ENPP6: variants seen among roughly 807,000 people sequenced by gnomAD.
ENPP6 encodes ectonucleotide pyrophosphatase/phosphodiesterase 6.
Under a neutral mutation model 42.0 loss-of-function variants are expected in ENPP6, and 32 were observed. The observed-to-expected ratio is 0.76, with a 90% CI of 0.58 to 1.02. The LOEUF (loss-of-function observed/expected upper bound fraction) is 1.02, where lower values mean the gene tolerates loss of function less well. Among genes scored for constraint, ENPP6 ranks in the 50% least tolerant of loss-of-function variants. ENPP6 has a pLI of 0.00. For synonymous variants in ENPP6, 213 were observed against 216.0 expected, an observed-to-expected ratio of 0.99 and a Z score of 0.12; for missense variants, 552 against 566.8, an observed-to-expected ratio of 0.97 and a Z score of 0.27.
In ENPP6 at chr4:184,101,869, G is replaced by T. The variant is rs554950580; in HGVS notation, c.994-4501C>A. Among the ~76,000 whole-genome samples, 4 of 152,302 alleles carry T rather than the reference G, an allele frequency of 2.6e-5. No homozygotes were observed. In the South Asian group the frequency reaches 8.3e-4, roughly 32 times the overall value. Reference sequence around the variant, plus strand: ...CTCAACCAGTTAATCATTTCTAACAGGAAGGAACCAGAAACAAGTCGCCCC... The same window carrying T: ...CTCAACCAGTTAATCATTTCTAACATGAAGGAACCAGAAACAAGTCGCCCC... On this transcript the variant is annotated intron_variant, in intron 6 of 7. Transcript: ENST00000296741.
At chr4:184,167,219 T>A (rs1271702975) in intron 1 of ENPP6, among the ~76,000 whole-genome samples, 1 of 152,166 alleles carries the variant, frequency 6.6e-6, no homozygotes, top group Non-Finnish European at 1.5e-5. Flanking sequence ...GGGTTCAAGC[T>A]ATTCTCCTGC....
intron 6 of ENPP6, among the ~76,000 whole-genome samples, chr4:184,098,734 G>A (rs890769748): frequency 6.6e-6 from 1 of 152,188 alleles, no homozygotes; most frequent in East Asian, 1.9e-4. Flanking sequence ...AGAAGGCTTT[G>A]CAAGTCCTAC....
intron 3 of ENPP6, among the ~76,000 whole-genome samples, chr4:184,121,070 G>A (rs1736407987): frequency 6.6e-6 from 1 of 152,160 alleles, no homozygotes; most frequent in South Asian, 2.1e-4. Context: ...TTTGTAAGGT[G>A]GGGAGAGCAA....
intron 2 of ENPP6, among the ~76,000 whole-genome samples, chr4:184,143,500 C>T (rs1049630218): frequency 6.6e-6 from 1 of 152,240 alleles, no homozygotes; most frequent in Non-Finnish European, 1.5e-5. Context: ...CCGCCTCTGC[C>T]TCAGTTCTGT....
chr4:184,208,299 G>T (rs1284449551), intron 1 of ENPP6, among the ~76,000 whole-genome samples: 1 of 152,154 alleles, frequency 6.6e-6, no homozygotes, highest in African/African-American at 2.4e-5. Flanking sequence ...GCAGAAGATG[G>T]GTGATTTCTG....
chr4:184,173,818 T>C (rs1737515281), intron 1 of ENPP6, among the ~76,000 whole-genome samples: 1 of 152,182 alleles, frequency 6.6e-6, no homozygotes, highest in Admixed American at 6.5e-5. Context: ...ATAAGGGCTT[T>C]ACAATGCAGC....
At chr4:184,131,165 C>CTTTG (rs1227893142) in intron 2 of ENPP6, among the ~76,000 whole-genome samples, 1 of 55,466 alleles carries the variant, frequency 1.8e-5, no homozygotes, top group Non-Finnish European at 3.7e-5. Flanking sequence ...TTCTTTCTTT[C>CTTTG]TTTCTTTCTT....
Position 184,184,429 on chromosome 4 carries a change from A to G in ENPP6, c.242-30696T>C, listed in dbSNP as rs1732599472. On this transcript the variant is annotated intron_variant, in intron 1 of 7. Coordinates refer to ENST00000296741, the MANE Select transcript of ENPP6 (RefSeq NM_153343.4). The surrounding 1 kb of genome is among the most constrained non-coding windows in gnomAD (Gnocchi z 4.7). Reference sequence around the variant, plus strand: ...GGTAGTAAGCTAAATAGCAGAACCAATGCAGCTGAAAAAATAATGAACTGG... The same window carrying G: ...GGTAGTAAGCTAAATAGCAGAACCAGTGCAGCTGAAAAAATAATGAACTGG... Among the ~76,000 whole-genome samples, 1 of 152,214 alleles carries G rather than the reference A, an allele frequency of 6.6e-6. No individual in the cohort carries two copies. The highest frequency in any genetic ancestry group is 2.1e-4 in the South Asian group (1 of 4,828).
At chr4:184,097,628 G>A (rs1307065952) in intron 6 of ENPP6, among the ~76,000 whole-genome samples, 2 of 152,192 alleles carry the variant, frequency 1.3e-5, no homozygotes, top group Non-Finnish European at 2.9e-5. Flanking sequence ...ATCAGTTTTA[G>A]AGCCACTAAA....
chr4:184,161,157 C>T (rs1205501192), intron 1 of ENPP6, among the ~76,000 whole-genome samples: 1 of 151,974 alleles, frequency 6.6e-6, no homozygotes, highest in Non-Finnish European at 1.5e-5. Context: ...CAACAAAGGA[C>T]TGATGACCAG....
chr4:184,100,183 CG>C (rs1334169724), intron 6 of ENPP6, among the ~76,000 whole-genome samples: 4 of 152,236 alleles, frequency 2.6e-5, no homozygotes, highest in Non-Finnish European at 4.4e-5. Context: ...AGCCACCTGG[CG>C]GGTCAGGTGC....
chr4:184,116,309 G>T (rs1347579599), intron 5 of ENPP6, among the ~76,000 whole-genome samples: 1 of 152,188 alleles, frequency 6.6e-6, no homozygotes, highest in Non-Finnish European at 1.5e-5. Context: ...CAATGGAGTA[G>T]GTATCATCAT....
chr4:184,137,360 G>A (rs1442908156), intron 2 of ENPP6, among the ~76,000 whole-genome samples: 1 of 152,248 alleles, frequency 6.6e-6, no homozygotes, highest in African/African-American at 2.4e-5. Flanking sequence ...GCCTCCCAGA[G>A]TGCTGGGATT....
chr4:184,132,854 TATAA>T (rs1046206956), intron 2 of ENPP6, among the ~76,000 whole-genome samples: 24 of 132,834 alleles, frequency 1.8e-4, no homozygotes, highest in African/African-American at 6.8e-4. Context: ...TATATATATA[TATAA>T]AATCTCCAAT....
Position 184,173,277 on chromosome 4 carries a change from A to G in ENPP6, c.242-19544T>C, listed in dbSNP as rs138178039. ...CCACTTCAAGAAGTCTAACAAAAGA[A>G]AGAAATCAAAGGTGGGATTCATGAA... On this transcript the variant is annotated intron_variant, in intron 1 of 7. Transcript: ENST00000296741. Among the ~76,000 whole-genome samples, 220 of 152,336 alleles carry G rather than the reference A, an allele frequency of 1.4e-3. 6 individuals carry two copies. In the East Asian group the frequency reaches 0.04, roughly 28 times the overall value.
rs192445863 is a variant in ENPP6 at position 184,116,501 on chromosome 4, G to A, written c.855+355C>T. On this transcript the variant is annotated intron_variant, in intron 5 of 7. Transcript: ENST00000296741. ...TGTAATCCCAGCACTTTGGGAGGCC[G>A]AGGCGGGTGGATCACCTGAGGTCAG... Among the ~76,000 whole-genome samples, 15 of 152,244 alleles carry A rather than the reference G, an allele frequency of 9.9e-5. No homozygotes were observed. In the East Asian group the frequency reaches 1.7e-3, roughly 18 times the overall value.
Position 184,184,570 on chromosome 4 carries a change from A to T in ENPP6, c.242-30837T>A, listed in dbSNP as rs72699725. ...TGTCTACCCAGAACCTGCGGAAGTG[A>T]CCTCATTTGGAAGAAGGGTCTTAGC... On this transcript the variant is annotated intron_variant, in intron 1 of 7. Coordinates refer to ENST00000296741, the MANE Select transcript of ENPP6 (RefSeq NM_153343.4). This position sits in a 1 kb window ranked among gnomAD's most constrained non-coding sequence, Gnocchi z 4.7. Among the ~76,000 whole-genome samples, 18,624 of 152,202 alleles carry T rather than the reference A, an allele frequency of 0.12. 1,456 individuals are homozygous for T. Among genetic ancestry groups the T allele is most frequent in the South Asian group, 0.24 (1,168 of 4,812 alleles).
At chr4:184,201,091 A>G (rs536679194) in intron 1 of ENPP6, among the ~76,000 whole-genome samples, 8 of 152,176 alleles carry the variant, frequency 5.3e-5, no homozygotes, top group Non-Finnish European at 1.0e-4. Flanking sequence ...CAAAGTATCC[A>G]ACAAGAGTCA....
Position 184,117,860 on chromosome 4 carries a change from T to C in ENPP6, c.574A>G (p.Ile192Val). 1.2e-6 allele frequency: 2 copies of C among 1,614,204 alleles called. No homozygotes were observed. Among genetic ancestry groups the C allele is most frequent in the Non-Finnish European group, 8.5e-7 (1 of 1,180,034 alleles). Residue 192 changes from isoleucine (I) to valine (V), a missense_variant, in exon 4 of 8, where the codon ATT (isoleucine) becomes GTT (valine). Around this residue, in one of 2 missense-constraint regions of ENPP6, gnomAD observed 545 missense variants for 546.3 expected, o/e 1.00. Transcript: ENST00000296741. ...CCGTAGTGGTGGCCTTCCACGTCAA[T>C]GCGCTCATGGTATATGGCTGCCAGG... ...ADLAAIYHER[I>V]DVEGHHYGPA...
Sources: allele counts gnomAD v4.1 joint callset (sites outside exome capture counted in the v4.1 genomes callset), GRCh38; gene constraint gnomAD v4.1.1; regional missense constraint gnomAD v4.1.1; non-coding constraint Gnocchi (gnomAD v3.1); transcripts MANE v1.5; gene names NCBI Gene and HGNC (gene_info 2026-07-23, HGNC 2026-07-21).